The following PHF24 variants were observed in gnomAD, a reference collection of about 807,000 sequenced individuals.
PHF24 encodes the protein PHD finger protein 24, also known as Galpha inhibitory interacting protein.
In PHF24, 25 loss-of-function variants were observed where a neutral mutation model predicts 42.6. The ratio of observed to expected loss-of-function variants is 0.59; its 90% confidence interval spans 0.43 to 0.82. PHF24 has a LOEUF of 0.82. Among genes scored for constraint, PHF24 ranks in the 40% least tolerant of loss-of-function variants. The pLI, the probability that PHF24 is intolerant of heterozygous loss-of-function variation, is 0.00. For missense variants in PHF24, 470 were observed against 538.1 expected, an observed-to-expected ratio of 0.87 and a Z score of 1.25; for synonymous variants, 185 against 204.8, an observed-to-expected ratio of 0.90 and a Z score of 0.83.
At chr9:34,794,712 T>C in the PHF24 span, among the ~76,000 whole-genome samples, 1 of 152,018 alleles carries the variant, frequency 6.6e-6, no homozygotes, top group Admixed American at 6.5e-5. Flanking sequence ...TAGAGCACAA[T>C]AAAGAAAGCA....
chr9:34,735,466 C>T, the PHF24 span, among the ~76,000 whole-genome samples: 4 of 150,822 alleles, frequency 2.7e-5, no homozygotes, highest in African/African-American at 9.7e-5. Flanking sequence ...AATATTATTA[C>T]AAGGCATATG....
chr9:34,933,664 G>A, the PHF24 span, among the ~76,000 whole-genome samples: 1 of 151,116 alleles, frequency 6.6e-6, no homozygotes, highest in African/African-American at 2.4e-5. Flanking sequence ...GGCTGAGCTT[G>A]CAGTGAGCTG....
the PHF24 span, among the ~76,000 whole-genome samples, chr9:34,676,789 G>T: frequency 6.6e-6 from 1 of 152,192 alleles, no homozygotes; most frequent in Non-Finnish European, 1.5e-5. Context: ...GGGGGAGCAG[G>T]CATCTCATAT....
the PHF24 span, among the ~76,000 whole-genome samples, chr9:34,831,541 C>A: frequency 6.6e-6 from 1 of 152,274 alleles, no homozygotes; most frequent in Admixed American, 6.5e-5. Flanking sequence ...GCAAGCAGAA[C>A]TAAGCTCAGT....
At chr9:34,752,100 A>G in the PHF24 span, among the ~76,000 whole-genome samples, 1 of 152,144 alleles carries the variant, frequency 6.6e-6, no homozygotes, top group Non-Finnish European at 1.5e-5. Context: ...TCAAAAAAGT[A>G]GAAAAATTTC....
the PHF24 span, among the ~76,000 whole-genome samples, chr9:34,708,537 A>G: frequency 6.6e-6 from 1 of 152,146 alleles, no homozygotes; most frequent in Non-Finnish European, 1.5e-5. Context: ...AGGTTTCAAT[A>G]TAACTTGTGT....
chr9:34,700,928 T>C, the PHF24 span, among the ~76,000 whole-genome samples: 1 of 152,118 alleles, frequency 6.6e-6, no homozygotes, highest in African/African-American at 2.4e-5. Context: ...CAGCTGTTGG[T>C]TTAGATAATC....
the PHF24 span, among the ~76,000 whole-genome samples, chr9:34,936,296 C>G: frequency 6.6e-6 from 1 of 152,212 alleles, no homozygotes; most frequent in Non-Finnish European, 1.5e-5. Flanking sequence ...GTCTCCAGCT[C>G]CTAACCGCGA....
At chr9:34,671,309 C>G in the PHF24 span, among the ~76,000 whole-genome samples, 1 of 152,118 alleles carries the variant, frequency 6.6e-6, no homozygotes, top group Non-Finnish European at 1.5e-5. Flanking sequence ...TGTCTGAGTC[C>G]AGTGGGAGAA....
At position 34,971,589 on chromosome 9, in the gene PHF24, T is replaced by A. The variant is rs761582455; in HGVS notation, c.291T>A (p.Ser97Arg). The A allele has an allele frequency of 1.9e-6, 3 of 1,613,760 alleles. No homozygotes were observed. In the Admixed American group the frequency reaches 5.0e-5, roughly 27 times the overall value. ...AGCCTGAGGAGTTTGACAGGACAAG[T>A]CGATTCACACCCCCTGCGTTCATCC... The change falls in exon 2 of 8, where the codon AGT becomes AGA. Residue 97 changes from serine to arginine, a missense_variant. Ser to Arg is a moderately radical substitution (Grantham distance 110). Transcript: ENST00000242315.
the PHF24 span, among the ~76,000 whole-genome samples, chr9:34,831,664 A>G: frequency 6.6e-6 from 1 of 152,124 alleles, no homozygotes; most frequent in African/African-American, 2.4e-5. Context: ...CATGAGAATC[A>G]ACTTTTGTCA....
At chr9:34,784,560 C>T in the PHF24 span, among the ~76,000 whole-genome samples, 2 of 152,170 alleles carry the variant, frequency 1.3e-5, no homozygotes, top group Non-Finnish European at 2.9e-5. Context: ...CTGAAAGTGT[C>T]TGTTTTCTGA....
chr9:34,686,420 G>A, the PHF24 span, among the ~76,000 whole-genome samples: 1 of 152,190 alleles, frequency 6.6e-6, no homozygotes, highest in Non-Finnish European at 1.5e-5. Context: ...TGCTCCTGGT[G>A]GGGGGCGGGG....
chr9:34,908,357 C>T, the PHF24 span, among the ~76,000 whole-genome samples: 1 of 151,982 alleles, frequency 6.6e-6, no homozygotes, highest in East Asian at 1.9e-4. Flanking sequence ...ATGTGAAAGG[C>T]ATTGTTATAG....
chr9:34,787,914 T>C, the PHF24 span, among the ~76,000 whole-genome samples: 1 of 152,238 alleles, frequency 6.6e-6, no homozygotes, highest in African/African-American at 2.4e-5. Flanking sequence ...TTAGTTTAGA[T>C]AATTTCTTTA....
the PHF24 span, among the ~76,000 whole-genome samples, chr9:34,757,193 G>T: frequency 6.6e-6 from 1 of 151,812 alleles, no homozygotes; most frequent in East Asian, 1.9e-4. Flanking sequence ...GTGAGCCACT[G>T]CACCCTGCCC....
chr9:34,765,601 C>T, the PHF24 span, among the ~76,000 whole-genome samples: 2 of 147,622 alleles, frequency 1.4e-5, no homozygotes, highest in Admixed American at 6.9e-5. Flanking sequence ...TGTCTCTGCA[C>T]GTGAGATGGG....
chr9:34,976,414 T>G, intron 4 of PHF24, 121 bp from the exon 5 acceptor site: 1 of 1,138,904 alleles, frequency 8.8e-7, no homozygotes, highest in East Asian at 2.5e-5. Context: ...ACCCTGGCCA[T>G]GGGAGGCAGA....
chr9:34,764,350 C>G, the PHF24 span, among the ~76,000 whole-genome samples: 2 of 152,142 alleles, frequency 1.3e-5, no homozygotes, highest in African/African-American at 4.8e-5. Flanking sequence ...GGTTGGTAAG[C>G]TATTGATTAT....
Sources: gnomAD v4.1 joint callset for allele counts (sites outside exome capture counted in the v4.1 genomes callset) on GRCh38, gnomAD v4.1.1 for gene constraint, MANE v1.5 for transcripts, NCBI Gene and HGNC (gene_info 2026-07-23, HGNC 2026-07-21) for gene names.